The following DLG2 variants were observed in gnomAD, a reference collection of about 807,000 sequenced individuals.
DLG2 encodes discs large MAGUK scaffold protein 2.
A neutral mutation model predicts 132.5 loss-of-function variants in DLG2; 45 were observed. The observed-to-expected ratio is 0.34, with a 90% CI of 0.27 to 0.44. DLG2 has a LOEUF of 0.44. Ranked by LOEUF, DLG2 falls within the 20% of genes least tolerant of loss-of-function variation. DLG2 has a pLI of 1.00. For missense variants in DLG2, 1,045 were observed against 1,196.9 expected (o/e 0.87, Z 1.87); for synonymous variants, 424 against 419.6 (o/e 1.01, Z -0.13).
At chr11:84,371,266 T>G (rs1387618443) in intron 7 of DLG2, among the ~76,000 whole-genome samples, 2 of 151,806 alleles carry the variant, frequency 1.3e-5, no homozygotes, top group African/African-American at 2.4e-5. Context: ...AATCTTTTTT[T>G]TTTTTTTTTG....
intron 7 of DLG2, among the ~76,000 whole-genome samples, chr11:84,278,823 ATTTT>A (rs2097818669): frequency 8.9e-6 from 1 of 112,456 alleles, no homozygotes. Flanking sequence ...TTATTTATTT[ATTTT>A]ATTATACTTT....
At chr11:83,991,724 A>G (rs1250838482) in intron 11 of DLG2, among the ~76,000 whole-genome samples, 3 of 152,048 alleles carry the variant, frequency 2.0e-5, no homozygotes, top group African/African-American at 4.8e-5. Flanking sequence ...ATTACAAACC[A>G]TCCTTAATCC....
At chr11:83,613,186 G>T (rs938810449) in intron 19 of DLG2, among the ~76,000 whole-genome samples, 5 of 152,144 alleles carry the variant, frequency 3.3e-5, no homozygotes, top group African/African-American at 1.2e-4. Flanking sequence ...GGCAGCAAGG[G>T]GAGTGAGGAG....
chr11:84,209,927 T>C (rs10736763), intron 8 of DLG2, among the ~76,000 whole-genome samples: 115,323 of 152,112 alleles, frequency 0.76, 45,963 homozygotes, highest in Middle Eastern at 0.91. Context: ...TAGTATCTTC[T>C]TATAACAGTT....
chr11:84,556,751 A>G (rs2099412717), intron 6 of DLG2, among the ~76,000 whole-genome samples: 1 of 152,148 alleles, frequency 6.6e-6, no homozygotes, highest in African/African-American at 2.4e-5. Flanking sequence ...TTATATTTCA[A>G]ACTCATTATG....
At chr11:84,122,854 C>T (rs1162004632) in intron 9 of DLG2, among the ~76,000 whole-genome samples, 1 of 151,860 alleles carries the variant, frequency 6.6e-6, no homozygotes, top group African/African-American at 2.4e-5. Flanking sequence ...CACACGCACC[C>T]CACACATTAG....
At chr11:84,533,015 A>C (rs2099346553) in intron 7 of DLG2, among the ~76,000 whole-genome samples, 1 of 152,190 alleles carries the variant, frequency 6.6e-6, no homozygotes, top group Admixed American at 6.5e-5. Flanking sequence ...CTGATTCCTA[A>C]ACAGGACCTT....
chr11:83,722,381 A>G (rs922053256), intron 18 of DLG2, among the ~76,000 whole-genome samples: 7 of 152,180 alleles, frequency 4.6e-5, no homozygotes, highest in Admixed American at 3.9e-4. Flanking sequence ...GTTCTATTTA[A>G]TAAGGGTGCT....
intron 3 of DLG2, among the ~76,000 whole-genome samples, chr11:85,594,289 A>G (rs1456711196): frequency 4.6e-5 from 7 of 152,206 alleles, no homozygotes; most frequent in Non-Finnish European, 8.8e-5. Context: ...AAAATCCACA[A>G]GGTTCTCTGT....
chr11:85,331,653 T>C (rs184048104), intron 3 of DLG2, among the ~76,000 whole-genome samples: 4 of 152,284 alleles, frequency 2.6e-5, no homozygotes, highest in African/African-American at 9.6e-5. Context: ...CCGGTGGCTA[T>C]GATTCCCCTC....
At chr11:83,960,670 G>A (rs1483405) in intron 14 of DLG2, among the ~76,000 whole-genome samples, 20,416 of 151,336 alleles carry the variant, frequency 0.13, 1,710 homozygotes, top group African/African-American at 0.22. Context: ...ATAGTTCTTA[G>A]ATGCTATTTC....
intron 6 of DLG2, among the ~76,000 whole-genome samples, chr11:85,066,915 T>C (rs139438328): frequency 1.3e-5 from 2 of 151,844 alleles, no homozygotes; most frequent in Admixed American, 6.6e-5. Flanking sequence ...AACACAGTAT[T>C]AGAAGTCCTA....
At chr11:84,557,330 A>T (rs368604190) in intron 6 of DLG2, among the ~76,000 whole-genome samples, 3 of 152,118 alleles carry the variant, frequency 2.0e-5, no homozygotes, top group Non-Finnish European at 4.4e-5. Context: ...CTTAGTGCCT[A>T]TTGAAGAGTT....
At chr11:84,714,553 C>CTCTCTTTCTCTT (rs780891728) in intron 6 of DLG2, among the ~76,000 whole-genome samples, 7,581 of 108,740 alleles carry the variant, frequency 0.07, 575 homozygotes, top group East Asian at 0.29. Flanking sequence ...TTCTCTTTCT[C>CTCTCTTTCTCTT]TCTCTTTCTC....
At chr11:84,433,859 G>A (rs1302408173) in intron 7 of DLG2, among the ~76,000 whole-genome samples, 2 of 152,156 alleles carry the variant, frequency 1.3e-5, no homozygotes, top group East Asian at 3.9e-4. Flanking sequence ...GCTCATGCCT[G>A]TAATCCCAGC....
intron 3 of DLG2, among the ~76,000 whole-genome samples, chr11:85,384,596 T>C (rs1159152038): frequency 6.6e-6 from 1 of 152,204 alleles, no homozygotes; most frequent in Non-Finnish European, 1.5e-5. Flanking sequence ...TGAGAAACAG[T>C]CTCACTCTGT....
At chr11:84,321,412 G>T (rs193033285) in intron 7 of DLG2, among the ~76,000 whole-genome samples, 1 of 152,070 alleles carries the variant, frequency 6.6e-6, no homozygotes, top group Non-Finnish European at 1.5e-5. Flanking sequence ...TCATTTTCTG[G>T]GACTCTTTAT....
At chr11:84,905,779 A>G (rs759816380) in intron 6 of DLG2, among the ~76,000 whole-genome samples, 1 of 152,176 alleles carries the variant, frequency 6.6e-6, no homozygotes, top group African/African-American at 2.4e-5. Context: ...TAAACTTTAC[A>G]GGTTTTTACT....
intron 5 of DLG2, among the ~76,000 whole-genome samples, chr11:85,138,005 C>T (rs1373118183): frequency 6.6e-6 from 1 of 152,000 alleles, no homozygotes; most frequent in African/African-American, 2.4e-5. Flanking sequence ...TCTATGTATT[C>T]TGTTCAAGTT....
Sources: gnomAD v4.1 joint callset for allele counts (sites outside exome capture counted in the v4.1 genomes callset) on GRCh38, gnomAD v4.1.1 for gene constraint, MANE v1.5 for transcripts, NCBI Gene and HGNC (gene_info 2026-07-23, HGNC 2026-07-21) for gene names.